The following ITPR2 variants were observed in gnomAD, a reference collection of about 807,000 sequenced individuals.
ITPR2 encodes inositol 1,4,5-trisphosphate receptor type 2.
In ITPR2, 207 loss-of-function variants were observed where a neutral mutation model predicts 317.1. That is an observed-to-expected ratio of 0.65 (90% confidence interval 0.58 to 0.73). The LOEUF is 0.73. Ranked by LOEUF, ITPR2 falls within the 30% of genes least tolerant of loss-of-function variation. The pLI is 0.00. For synonymous variants in ITPR2, 1,156 were observed against 1,149.1 expected, an observed-to-expected ratio of 1.01 and a Z score of -0.12; for missense variants, 2,613 against 3,284.0, an observed-to-expected ratio of 0.80 and a Z score of 4.99.
At chr12:26,513,031 C>T (rs575112087) in intron 37 of ITPR2, among the ~76,000 whole-genome samples, 4 of 151,868 alleles carry the variant, frequency 2.6e-5, no homozygotes, top group Non-Finnish European at 4.4e-5. Flanking sequence ...TTAGTAGAGA[C>T]GGGGTTTCAC....
At chr12:26,527,040 C>T (rs1452556983) in intron 37 of ITPR2, among the ~76,000 whole-genome samples, 2 of 152,160 alleles carry the variant, frequency 1.3e-5, no homozygotes, top group East Asian at 3.8e-4. Flanking sequence ...ATGATCTATT[C>T]CTGCAAAGTT....
chr12:26,708,401 G>T (rs1592058426), intron 9 of ITPR2, among the ~76,000 whole-genome samples: 1 of 152,062 alleles, frequency 6.6e-6, no homozygotes, highest in Non-Finnish European at 1.5e-5. Flanking sequence ...GTTCACAGTG[G>T]AATATTATTC....
At chr12:26,383,369 G>C (rs986482008) in intron 55 of ITPR2, among the ~76,000 whole-genome samples, 5 of 152,194 alleles carry the variant, frequency 3.3e-5, no homozygotes, top group Non-Finnish European at 7.4e-5. Flanking sequence ...ATGGATATTA[G>C]TATAAATATT....
intron 1 of ITPR2, among the ~76,000 whole-genome samples, chr12:26,819,873 C>A (rs1950913312): frequency 6.6e-6 from 1 of 152,004 alleles, no homozygotes; most frequent in Admixed American, 6.6e-5. Context: ...TTGAGACCTG[C>A]CTGGACAACA....
intron 43 of ITPR2, among the ~76,000 whole-genome samples, chr12:26,478,321 C>T (rs1394253813): frequency 1.3e-5 from 2 of 151,678 alleles, no homozygotes; most frequent in Non-Finnish European, 1.5e-5. Context: ...CATTTTTTTG[C>T]GGACTTGAAC....
At chr12:26,801,663 A>G (rs1047402061) in intron 1 of ITPR2, among the ~76,000 whole-genome samples, 1 of 152,152 alleles carries the variant, frequency 6.6e-6, no homozygotes, top group African/African-American at 2.4e-5. Flanking sequence ...CTAACTAGAG[A>G]TGTCAAGAGA....
intron 13 of ITPR2, among the ~76,000 whole-genome samples, chr12:26,667,561 AC>A (rs1259085191): frequency 5.3e-5 from 8 of 152,324 alleles, no homozygotes; most frequent in Admixed American, 4.6e-4. Flanking sequence ...TGTGGTGTGA[AC>A]TTCTTTTGAA....
At chr12:26,575,980 T>C (rs1945266680) in intron 34 of ITPR2, among the ~76,000 whole-genome samples, 2 of 151,770 alleles carry the variant, frequency 1.3e-5, no homozygotes. Flanking sequence ...TATTGAGGGG[T>C]AGAGGAGGAG....
chr12:26,373,794 GAA>G (rs1328094193), intron 55 of ITPR2: 2 of 150,604 alleles, frequency 1.3e-5, no homozygotes. Flanking sequence ...TCAAATGTTG[GAA>G]AAAATGAAAA....
In ITPR2 at chr12:26,819,833, G is replaced by A. The variant is rs147289595; in HGVS notation, c.92+12857C>T. 5.2e-3 allele frequency among the ~76,000 whole-genome samples: 788 copies of A among 151,826 alleles called. 8 individuals carry two copies. The highest frequency in any genetic ancestry group is 0.018 in the African/African-American group (753 of 41,410). The stretch of plus-strand genomic sequence containing the variant: ...TGTAATCCCAGCACTTTGGGAGGCC[G>A]AGGCAGGCGGATCACTTGAGGCCAG... On this transcript the variant is annotated intron_variant, in intron 1 of 56. Coordinates refer to ENST00000381340, the MANE Select transcript of ITPR2 (RefSeq NM_002223.4).
At chr12:26,754,512 C>T (rs12580442) in intron 2 of ITPR2, among the ~76,000 whole-genome samples, 32,097 of 152,178 alleles carry the variant, frequency 0.21, 3,905 homozygotes, top group Non-Finnish European at 0.28. Flanking sequence ...ATTGAGACTA[C>T]TGAAGGAACA....
intron 55 of ITPR2, among the ~76,000 whole-genome samples, chr12:26,347,036 G>A (rs968900791): frequency 6.6e-6 from 1 of 152,138 alleles, no homozygotes; most frequent in Non-Finnish European, 1.5e-5. Flanking sequence ...CAAATGCCCA[G>A]CCTGAAACCT....
chr12:26,536,947 G>C (rs960034489), intron 37 of ITPR2, among the ~76,000 whole-genome samples: 2 of 152,170 alleles, frequency 1.3e-5, no homozygotes, highest in Non-Finnish European at 2.9e-5. Context: ...AAACCACAGG[G>C]ACAAAAAGCT....
At chr12:26,658,174 T>A in intron 16 of ITPR2, 44 bp from the exon 17 acceptor site, 1 of 1,379,000 alleles carries the variant, frequency 7.3e-7, no homozygotes, top group South Asian at 1.6e-5. Context: ...GACAAAGCAT[T>A]TTATAAAAGC....
intron 13 of ITPR2, among the ~76,000 whole-genome samples, chr12:26,669,715 G>A (rs565058888): frequency 1.3e-5 from 2 of 150,312 alleles, no homozygotes; most frequent in African/African-American, 2.4e-5. Context: ...TGGGTGCAGC[G>A]CACCATGCGC....
At chr12:26,635,490 C>A (rs1391788402) in intron 21 of ITPR2, among the ~76,000 whole-genome samples, 1 of 152,156 alleles carries the variant, frequency 6.6e-6, no homozygotes, top group Non-Finnish European at 1.5e-5. Flanking sequence ...ACATTTGATT[C>A]TAAGAGTTTT....
rs776821983 is a variant in ITPR2, at chr12:26,486,158, C to T, written c.5757G>A (p.Gln1919=). 6 of 1,614,132 alleles carry T rather than the reference C, an allele frequency of 3.7e-6. No homozygotes were observed. In the South Asian group the frequency reaches 6.6e-5, roughly 18 times the overall value. ...VTMSPAIAIM[Q]PILRFLQLLC... ...GTAACTGAAGAAATCTCAGTATTGG[C>T]TGCATGATGGCAATTGCGGGACTCA... The change falls in exon 41 of 57, where the codon CAG becomes CAA. Residue 1919 remains glutamine, a synonymous_variant. Coordinates refer to ENST00000381340, the MANE Select transcript of ITPR2 (RefSeq NM_002223.4).
intron 2 of ITPR2, among the ~76,000 whole-genome samples, chr12:26,782,510 T>A (rs1229163983): frequency 1.3e-5 from 2 of 152,190 alleles, no homozygotes; most frequent in African/African-American, 4.8e-5. Context: ...TGTGGCTTTA[T>A]ACGACTAACA....
chr12:26,649,814 T>C (rs1565665072), intron 21 of ITPR2, among the ~76,000 whole-genome samples: 2 of 146,870 alleles, frequency 1.4e-5, no homozygotes, highest in East Asian at 2.0e-4. Flanking sequence ...GATAGATAGA[T>C]AGATAGATAG....
Sources: allele counts gnomAD v4.1 joint callset (sites outside exome capture counted in the v4.1 genomes callset), GRCh38; gene constraint gnomAD v4.1.1; transcripts MANE v1.5; gene names NCBI Gene and HGNC (gene_info 2026-07-23, HGNC 2026-07-21).